Variants in SYNE1 observed in about 807,000 individuals in gnomAD.
SYNE1 encodes spectrin repeat containing nuclear envelope protein 1.
SYNE1 carries 616 observed loss-of-function variants against 1,111.0 expected under a neutral mutation model. The observed-to-expected ratio is 0.55, with a 90% CI of 0.52 to 0.59. SYNE1 has a LOEUF of 0.59. Among genes scored for constraint, SYNE1 ranks in the 20% least tolerant of loss-of-function variants. The probability of loss-of-function intolerance (pLI) is 0.00; values close to 1 mark genes in which losing one functional copy is unlikely to be tolerated. For synonymous variants in SYNE1, 3,855 were observed against 3,825.8 expected (o/e 1.01, Z -0.28); for missense variants, 10,006 against 10,417.0 (o/e 0.96, Z 1.72).
intron 42 of SYNE1, among the ~76,000 whole-genome samples, 188 bp downstream of exon 42, chr6:152,413,164 T>G (rs964099216): frequency 6.6e-6 from 1 of 152,206 alleles, no homozygotes; most frequent in Admixed American, 6.5e-5. Flanking sequence ...AATTGTTATC[T>G]CAAAGCAACC....
chr6:152,282,746 A>T (rs1397480367), intron 96 of SYNE1, among the ~76,000 whole-genome samples: 1 of 152,144 alleles, frequency 6.6e-6, no homozygotes, highest in Non-Finnish European at 1.5e-5. Context: ...ATTAAGAAGT[A>T]GGGCAGACAC....
intron 3 of SYNE1, among the ~76,000 whole-genome samples, chr6:152,619,317 T>G (rs376028793): frequency 6.6e-6 from 1 of 151,886 alleles, no homozygotes; most frequent in African/African-American, 2.4e-5. Context: ...AGGCCTCAGC[T>G]CTGATCCAAC....
At chr6:152,179,673 CTTTT>C (rs796260764) in intron 129 of SYNE1, among the ~76,000 whole-genome samples, 6 of 55,096 alleles carry the variant, frequency 1.1e-4, no homozygotes, top group South Asian at 1.5e-3. Context: ...GCTGGATATC[CTTTT>C]TTTTTTTTTT....
At chr6:152,310,129 A>AT (rs1554409628) in intron 89 of SYNE1, 112 bp from the exon 90 acceptor site, 8 of 1,363,260 alleles carry the variant, frequency 5.9e-6, no homozygotes, top group Non-Finnish European at 8.0e-6. Context: ...TGCAAAAAAA[A>AT]AAAAATGTTT....
rs190070495 is a variant in SYNE1 at position 152,604,990 on chromosome 6, A to G, written c.67+23275T>C. ...AAAGAAAGAAAGAAAGAAAGAAAGAAAGAAAGAAAGAAAGAAAGAGAGAGA... is the reference window on the plus strand; with the variant it reads ...AAAGAAAGAAAGAAAGAAAGAAAGAGAGAAAGAAAGAAAGAAAGAGAGAGA... On this transcript the variant is annotated intron_variant, in intron 3 of 145. Coordinates refer to ENST00000367255, the MANE Select transcript of SYNE1 (RefSeq NM_182961.4). Among the ~76,000 whole-genome samples the G allele has an allele frequency of 5.9e-4, 16 of 27,208 alleles. No homozygotes were observed. In the South Asian group the frequency reaches 7.1e-3, roughly 12 times the overall value. 17.8% of individuals were successfully genotyped at this position (27,208 alleles called of 152,430 possible).
chr6:152,154,467 C>A (rs2060997584), intron 133 of SYNE1, among the ~76,000 whole-genome samples: 2 of 151,620 alleles, frequency 1.3e-5, no homozygotes, highest in South Asian at 4.2e-4. Flanking sequence ...CACACACACA[C>A]ACACACACAC....
At chr6:152,279,478 G>A (rs1173400087) in intron 97 of SYNE1, among the ~76,000 whole-genome samples, 1 of 151,732 alleles carries the variant, frequency 6.6e-6, no homozygotes, top group African/African-American at 2.4e-5. Flanking sequence ...CACTTTGGGA[G>A]GCCGAGGCAG....
intron 91 of SYNE1, among the ~76,000 whole-genome samples, chr6:152,304,163 A>G (rs935829215): frequency 6.6e-6 from 1 of 152,212 alleles, no homozygotes; most frequent in African/African-American, 2.4e-5. Context: ...GCTATTTACT[A>G]TATCTTGTCT....
At position 152,462,772 on chromosome 6, in the gene SYNE1, A is replaced by C. The variant is rs757590250; in HGVS notation, c.2216T>G (p.Phe739Cys). ...KKLSEPLEVS[F>C]MNVKLLIQDL... ...TTGAATTAATAGCTTGACATTCATA[A>C]AAGAGACTTCTAAGGGTTCAGAAAG... is the stretch of plus-strand genomic sequence containing the variant. Residue 739 changes from phenylalanine (F) to cysteine (C), a missense_variant, in exon 20 of 146, where the codon TTT (phenylalanine) becomes TGT (cysteine). Phe to Cys is a radical substitution (Grantham distance 205, BLOSUM62 -2). This residue lies in a region of SYNE1 where 1,971 missense variants were observed against 2,084.1 expected (regional missense o/e 0.95). Coordinates refer to ENST00000367255, the MANE Select transcript of SYNE1 (RefSeq NM_182961.4). 2 of 1,614,046 alleles carry C rather than the reference A, an allele frequency of 1.2e-6. No homozygotes were observed. The highest frequency in any genetic ancestry group is 1.7e-6 in the Non-Finnish European group (2 of 1,179,956).
Position 152,132,113 on chromosome 6 carries a change from G to T in SYNE1, c.26094+9C>A, listed in dbSNP as rs753098214. On this transcript the variant is annotated intron_variant, in intron 144 of 145. Transcript: ENST00000367255. ...ATGGGCCAACTGAAAACGACCAGTG[G>T]AAAGTTACCGTTTTCTGTCTGTTTG... 2 of 1,613,588 alleles carry T rather than the reference G, an allele frequency of 1.2e-6. No homozygotes were observed. Among genetic ancestry groups the T allele is most frequent in the East Asian group, 4.5e-5 (2 of 44,876 alleles).
chr6:152,247,854 TAACACA>T (rs772672267), intron 105 of SYNE1, among the ~76,000 whole-genome samples: 4,314 of 133,626 alleles, frequency 0.032, 76 homozygotes, highest in African/African-American at 0.061. Flanking sequence ...AGGTGTTCTT[TAACACA>T]CACACACACA....
At chr6:152,234,848 C>G (rs1311875418) in intron 110 of SYNE1, 48 bp from the exon 111 acceptor site, 2 of 1,603,174 alleles carry the variant, frequency 1.2e-6, no homozygotes, top group Non-Finnish European at 1.7e-6. Flanking sequence ...TCATCCCTAT[C>G]TTCTACTCAC....
At chr6:152,407,920 C>G (rs1308507711) in intron 44 of SYNE1, among the ~76,000 whole-genome samples, 1 of 151,890 alleles carries the variant, frequency 6.6e-6, no homozygotes, top group African/African-American at 2.4e-5. Context: ...CGCCACCACG[C>G]CCGGCTAATT....
chr6:152,140,059 TTCAAG>T lies in SYNE1; in HGVS notation c.25344_25348del (p.Asp8448GlufsTer25). The T allele has an allele frequency of 6.2e-7, 1 of 1,614,194 alleles. No homozygotes were observed. Among genetic ancestry groups the T allele is most frequent in the Non-Finnish European group, 8.5e-7 (1 of 1,180,040 alleles). On this transcript the variant is annotated frameshift_variant, in exon 140 of 146. Transcript: ENST00000367255. LOFTEE classifies it high-confidence loss of function. ...GTCCCCCAGCCAGGCCCAGATGCTG[TTCAAG>T]TCTGAGTTAAACTGCTGCCACTTCT...
chr6:152,501,777 T>C (rs1481468492), intron 10 of SYNE1, among the ~76,000 whole-genome samples: 2 of 151,684 alleles, frequency 1.3e-5, no homozygotes, highest in Non-Finnish European at 2.9e-5. Context: ...CAATGTTTTA[T>C]TACAAGATTG....
rs771773142 is a variant in SYNE1 at position 152,352,013 on chromosome 6, A to G, written c.11580+14T>C. The G allele has an allele frequency of 1.2e-6, 2 of 1,612,046 alleles. No homozygotes were observed. The highest frequency in any genetic ancestry group is 2.7e-5 in the African/African-American group (2 of 74,900). ...TGACCTCTGCATGCATCTGTCAATG[A>G]GTAAACACACTACCTTGTATTTAGA... On this transcript the variant is annotated intron_variant, in intron 70 of 145. Transcript: ENST00000367255.
chr6:152,235,270 C>A (rs532022079), intron 110 of SYNE1, among the ~76,000 whole-genome samples: 4 of 152,278 alleles, frequency 2.6e-5, no homozygotes, highest in African/African-American at 7.2e-5. Context: ...GAGGGTGAAA[C>A]TCAAAGGTAA....
chr6:152,319,616 T>C (rs895086614), intron 84 of SYNE1, among the ~76,000 whole-genome samples: 1 of 152,234 alleles, frequency 6.6e-6, no homozygotes, highest in African/African-American at 2.4e-5. Flanking sequence ...ACATTCACAC[T>C]GTTGCTTAGA....
chr6:152,443,507 G>A (rs1440822048), intron 30 of SYNE1, among the ~76,000 whole-genome samples: 5 of 152,188 alleles, frequency 3.3e-5, no homozygotes, highest in Admixed American at 6.5e-5. Flanking sequence ...CTCGTGATGC[G>A]CCCGCCTCGG....
Sources: gnomAD v4.1 joint callset for allele counts (sites outside exome capture counted in the v4.1 genomes callset) on GRCh38, gnomAD v4.1.1 for gene constraint, gnomAD v4.1.1 regional missense constraint, MANE v1.5 for transcripts, NCBI Gene and HGNC (gene_info 2026-07-23, HGNC 2026-07-21) for gene names.